Variants in CLYBL observed in about 807,000 individuals in gnomAD.
CLYBL encodes citramalyl-CoA lyase, mitochondrial.
CLYBL carries 31 observed loss-of-function variants against 38.9 expected under a neutral mutation model. The ratio of observed to expected loss-of-function variants is 0.80; its 90% CI spans 0.60 to 1.08. CLYBL has a LOEUF of 1.08. Among genes scored for constraint, CLYBL ranks in the 50% least tolerant of loss-of-function variants. The probability of loss-of-function intolerance (pLI) is 0.00; values close to 1 mark genes in which losing one functional copy is unlikely to be tolerated. For synonymous variants in CLYBL, 171 were observed against 158.6 expected, an observed-to-expected ratio of 1.08 and a Z score of -0.59; for missense variants, 434 against 411.6, an observed-to-expected ratio of 1.05 and a Z score of -0.47.
At chr13:99,799,348 T>C (rs2050083077) in intron 2 of CLYBL, among the ~76,000 whole-genome samples, 1 of 150,382 alleles carries the variant, frequency 6.6e-6, no homozygotes, top group Non-Finnish European at 1.5e-5. Flanking sequence ...TATAAATATA[T>C]ACACGTATAT....
At chr13:99,758,589 G>A (rs531845920) in intron 1 of CLYBL, among the ~76,000 whole-genome samples, 92 of 152,316 alleles carry the variant, frequency 6.0e-4, no homozygotes, top group African/African-American at 2.1e-3. Flanking sequence ...GATGGGGGAA[G>A]GAGAGGACTC....
At chr13:99,776,585 G>A (rs886795913) in intron 2 of CLYBL, among the ~76,000 whole-genome samples, 1 of 151,106 alleles carries the variant, frequency 6.6e-6, no homozygotes, top group African/African-American at 2.4e-5. Context: ...GCCCTAGCCT[G>A]TCAAGGTCTT....
At chr13:99,612,861 A>T (rs1044651984) in intron 1 of CLYBL, among the ~76,000 whole-genome samples, 6 of 151,916 alleles carry the variant, frequency 3.9e-5, no homozygotes, top group African/African-American at 1.2e-4. Flanking sequence ...AAAAAATTTT[A>T]AAAGTTAGCT....
chr13:99,606,811 C>T (rs2046531551), intron 1 of CLYBL, 54 bp downstream of exon 1: 3 of 1,328,634 alleles, frequency 2.3e-6, no homozygotes, highest in Non-Finnish European at 2.9e-6. Flanking sequence ...CGCGGGTCGG[C>T]TCCTGTTGCA....
intron 1 of CLYBL, among the ~76,000 whole-genome samples, chr13:99,612,229 A>G (rs931426528): frequency 1.3e-5 from 2 of 151,930 alleles, no homozygotes; most frequent in Admixed American, 6.6e-5. Flanking sequence ...TTAAAGAACC[A>G]TCTTTTTGTT....
intron 1 of CLYBL, among the ~76,000 whole-genome samples, chr13:99,645,241 A>G (rs959926783): frequency 7.2e-5 from 11 of 152,186 alleles, no homozygotes; most frequent in African/African-American, 2.7e-4. Flanking sequence ...TCACGCCTGT[A>G]ATCCCAGCAC....
intron 2 of CLYBL, among the ~76,000 whole-genome samples, chr13:99,796,073 G>C (rs191473134): frequency 6.6e-6 from 1 of 152,198 alleles, no homozygotes; most frequent in Non-Finnish European, 1.5e-5. Flanking sequence ...AGCAAAGGGA[G>C]CCTGAAGTAG....
At chr13:99,794,470 T>C (rs1157432054) in intron 2 of CLYBL, among the ~76,000 whole-genome samples, 1 of 152,042 alleles carries the variant, frequency 6.6e-6, no homozygotes, top group African/African-American at 2.4e-5. Context: ...AAAGAGAAGA[T>C]AGTGTGAAAT....
chr13:99,656,749 T>C (rs2047336499), intron 1 of CLYBL, among the ~76,000 whole-genome samples: 2 of 152,322 alleles, frequency 1.3e-5, no homozygotes, highest in African/African-American at 4.8e-5. Context: ...AAATTATGGG[T>C]TGGTAAATTG....
chr13:99,786,621 G>C (rs1055146349), intron 2 of CLYBL, among the ~76,000 whole-genome samples: 1 of 152,136 alleles, frequency 6.6e-6, no homozygotes, highest in South Asian at 2.1e-4. Context: ...GGACATTTGG[G>C]TTGGTTCCAA....
In CLYBL at chr13:99,708,456, G is replaced by GAT. The variant is rs1374415772; in HGVS notation, c.63-64364_63-64363dup. Among the ~76,000 whole-genome samples, 5 of 152,320 alleles carry GAT rather than the reference G, an allele frequency of 3.3e-5. No individual in the cohort carries two copies. The East Asian group carries it at 9.6e-4, about 29-fold the overall frequency. On this transcript the variant is annotated intron_variant, in intron 1 of 8. Coordinates refer to ENST00000339105, the MANE Select transcript of CLYBL (RefSeq NM_206808.5). ...ACCTGAATGAGTGGAACACTGAGAT[G>GAT]ATATAGTGGAATGGACGGATAGTGG...
chr13:99,837,863 G>T (rs1475638020), intron 2 of CLYBL, among the ~76,000 whole-genome samples: 2 of 152,234 alleles, frequency 1.3e-5, no homozygotes, highest in Admixed American at 6.5e-5. Flanking sequence ...TCCCCAAGAA[G>T]AGTGGAGACA....
chr13:99,733,763 A>T (rs963461703), intron 1 of CLYBL, among the ~76,000 whole-genome samples: 1 of 152,228 alleles, frequency 6.6e-6, no homozygotes, highest in African/African-American at 2.4e-5. Flanking sequence ...TTAATTCACA[A>T]TGGCAAGGAC....
chr13:99,896,100 G>GGGCCGA (rs1331017096), downstream of CLYBL: 20 of 151,080 alleles, frequency 1.3e-4, no homozygotes, highest in African/African-American at 4.6e-4. Context: ...CGCGGAGCCG[G>GGGCCGA]GGCCGAGGCC....
At chr13:99,693,216 T>C (rs188875829) in intron 1 of CLYBL, among the ~76,000 whole-genome samples, 4 of 152,304 alleles carry the variant, frequency 2.6e-5, no homozygotes, top group African/African-American at 9.6e-5. Context: ...ATCTGTCTCC[T>C]CCATTAGGTT....
intron 1 of CLYBL, among the ~76,000 whole-genome samples, chr13:99,750,684 A>AAAG (rs1555299672): frequency 6.6e-6 from 1 of 151,442 alleles, no homozygotes; most frequent in East Asian, 1.9e-4. Flanking sequence ...AAAAAAAAAA[A>AAAG]AAAGAAAGAA....
chr13:99,772,961 T>C lies in CLYBL; in HGVS notation c.200T>C (p.Val67Ala). 6.2e-7 allele frequency: 1 copy of C among 1,613,704 alleles called. No individual in the cohort carries two copies. Among genetic ancestry groups the C allele is most frequent in the African/African-American group, 1.3e-5 (1 of 75,034 alleles). The change falls in exon 2 of 9, where the codon GTA becomes GCA. Residue 67 changes from valine to alanine, a missense_variant. Physicochemically the swap from Val to Ala is moderately conservative, Grantham distance 64 (BLOSUM62 0). Transcript: ENST00000339105. ...KKIKKIPSLN[V>A]DCAVLDCEDG... Reference sequence around the variant, plus strand: ...ATAAAGAAGATTCCATCCCTGAATGTAGATTGTGCAGTGCTCGACTGTGAG... The same window carrying C: ...ATAAAGAAGATTCCATCCCTGAATGCAGATTGTGCAGTGCTCGACTGTGAG...
At chr13:99,863,826 C>T (rs943305509) in intron 4 of CLYBL, among the ~76,000 whole-genome samples, 1 of 152,150 alleles carries the variant, frequency 6.6e-6, no homozygotes, top group African/African-American at 2.4e-5. Context: ...CTTCCCCCAC[C>T]CCAGCCCCCA....
At chr13:99,634,736 A>G (rs2046995158) in intron 1 of CLYBL, among the ~76,000 whole-genome samples, 1 of 152,234 alleles carries the variant, frequency 6.6e-6, no homozygotes, top group Admixed American at 6.5e-5. Context: ...AGATGAGAAA[A>G]TAATGTTCTG....
Sources: allele counts gnomAD v4.1 joint callset (sites outside exome capture counted in the v4.1 genomes callset), GRCh38; gene constraint gnomAD v4.1.1; transcripts MANE v1.5; gene names NCBI Gene and HGNC (gene_info 2026-07-23, HGNC 2026-07-21).